Variants in HS6ST2 observed in about 807,000 individuals in gnomAD.
HS6ST2 encodes the protein heparan sulfate 6-O-sulfotransferase 2.
In HS6ST2, 17 loss-of-function variants were observed where a neutral mutation model predicts 33.0. The ratio of observed to expected loss-of-function variants is 0.52; its 90% confidence interval spans 0.35 to 0.77. HS6ST2 has a LOEUF of 0.77. HS6ST2 is among the 30% of genes least tolerant of loss of function. The probability of loss-of-function intolerance (pLI) is 0.01; values close to 1 mark genes in which losing one functional copy is unlikely to be tolerated. For synonymous variants in HS6ST2, 248 were observed against 237.1 expected (o/e 1.05, Z -0.42); for missense variants, 519 against 551.7 (o/e 0.94, Z 0.59).
chrX:132,804,131 A>T (rs2065259276), intron 2 of HS6ST2, among the ~76,000 whole-genome samples: 1 of 112,417 alleles, frequency 8.9e-6, no homozygotes, highest in Non-Finnish European at 1.9e-5. Context: ...GCCTGTTATA[A>T]AAGTGTGACT....
At chrX:132,801,360 A>G (rs776812883) in intron 2 of HS6ST2, among the ~76,000 whole-genome samples, 24 of 111,812 alleles carry the variant, frequency 2.1e-4, no homozygotes, top group African/African-American at 7.8e-4. Flanking sequence ...TTTGCAGCTT[A>G]CTCATTCTCC....
chrX:132,639,612 C>T (rs1364508082), intron 4 of HS6ST2, among the ~76,000 whole-genome samples: 2 of 111,641 alleles, frequency 1.8e-5, no homozygotes, highest in Non-Finnish European at 3.8e-5. Flanking sequence ...CCTCCCTCCA[C>T]ATATGGAACT....
At chrX:132,859,668 G>A (rs755026417) in intron 2 of HS6ST2, among the ~76,000 whole-genome samples, 3 of 24,854 alleles carry the variant, frequency 1.2e-4, no homozygotes, top group Non-Finnish European at 2.3e-4. Flanking sequence ...AAGGGAGGAA[G>A]AGGGAGGGAG....
chrX:132,926,966 T>C (rs1008907375), intron 2 of HS6ST2, among the ~76,000 whole-genome samples: 4 of 110,830 alleles, frequency 3.6e-5, no homozygotes, highest in Non-Finnish European at 7.6e-5. Flanking sequence ...TCCCAGTCTA[T>C]GTCTGCAGTA....
At chrX:132,756,088 T>C (rs1006306565) in intron 2 of HS6ST2, among the ~76,000 whole-genome samples, 1 of 112,100 alleles carries the variant, frequency 8.9e-6, no homozygotes, top group African/African-American at 3.2e-5. Flanking sequence ...CTACTTCTGG[T>C]GTTTGGCAAC....
At chrX:132,916,754 C>T (rs189088863) in intron 2 of HS6ST2, among the ~76,000 whole-genome samples, 1 of 111,975 alleles carries the variant, frequency 8.9e-6, no homozygotes, top group Admixed American at 9.5e-5. Context: ...ACCAAGGGCT[C>T]TCAGGCCTTC....
At chrX:132,816,473 AG>A (rs1160797629) in intron 2 of HS6ST2, among the ~76,000 whole-genome samples, 1 of 112,043 alleles carries the variant, frequency 8.9e-6, no homozygotes. Flanking sequence ...ATTAGTCTTC[AG>A]GTACAAAATT....
At position 132,646,332 on chromosome X, in the gene HS6ST2, A is replaced by T. The variant is rs151194004; in HGVS notation, c.1068-17239T>A. ...GAGTACGGGGTCAAAAGCAATGAAG[A>T]CTTATTGGTCATTTGCATGGGGGAG... On this transcript the variant is annotated intron_variant, in intron 4 of 4. Transcript: ENST00000370833. 1.7e-3 allele frequency among the ~76,000 whole-genome samples: 185 copies of T among 110,532 alleles called. 2 individuals are homozygous for T. The highest frequency in any genetic ancestry group is 5.8e-3 in the African/African-American group (176 of 30,371).
intron 4 of HS6ST2, among the ~76,000 whole-genome samples, chrX:132,637,899 TA>T (rs1225034539): frequency 0.019 from 1,001 of 52,256 alleles, 12 homozygotes; most frequent in Middle Eastern, 0.058. Context: ...ATTTTATATA[TA>T]ATATTATATA....
At chrX:132,877,064 A>G (rs2066114180) in intron 2 of HS6ST2, among the ~76,000 whole-genome samples, 1 of 112,313 alleles carries the variant, frequency 8.9e-6, no homozygotes, top group Admixed American at 9.4e-5. Flanking sequence ...GTTGGAACTA[A>G]CAAGGCTACA....
chrX:132,870,716 C>T (rs992540758), intron 2 of HS6ST2, among the ~76,000 whole-genome samples: 3 of 111,493 alleles, frequency 2.7e-5, no homozygotes, highest in Non-Finnish European at 5.7e-5. Context: ...TAGCCACATG[C>T]AGAAAACTGA....
chrX:132,794,921 C>T (rs759168087), intron 2 of HS6ST2, among the ~76,000 whole-genome samples: 1 of 110,330 alleles, frequency 9.1e-6, no homozygotes, highest in Admixed American at 9.8e-5. Flanking sequence ...TGGGGGCCAC[C>T]TTAGGATTGT....
chrX:132,687,307 G>A (rs1358889085), intron 3 of HS6ST2, among the ~76,000 whole-genome samples: 1 of 111,124 alleles, frequency 9.0e-6, no homozygotes, highest in Admixed American at 9.6e-5. Flanking sequence ...ACTTTCTCCT[G>A]GGAGAAGGCA....
At chrX:132,863,969 G>A (rs1196073427) in intron 2 of HS6ST2, among the ~76,000 whole-genome samples, 1 of 111,465 alleles carries the variant, frequency 9.0e-6, no homozygotes, top group African/African-American at 3.3e-5. Flanking sequence ...GGTCTGGACT[G>A]GACCTCCAGC....
chrX:132,889,599 A>G (rs1394537832), intron 2 of HS6ST2, among the ~76,000 whole-genome samples: 1 of 111,436 alleles, frequency 9.0e-6, no homozygotes, highest in East Asian at 2.8e-4. Context: ...TCCACATACG[A>G]AAGTGTAAGG....
At chrX:132,829,905 C>A (rs1422347284) in intron 2 of HS6ST2, among the ~76,000 whole-genome samples, 1 of 111,087 alleles carries the variant, frequency 9.0e-6, no homozygotes, top group Non-Finnish European at 1.9e-5. Flanking sequence ...ACAGAGAGAA[C>A]AAAAAAGACA....
chrX:132,770,317 C>T (rs1156289949), intron 2 of HS6ST2, among the ~76,000 whole-genome samples: 1 of 111,352 alleles, frequency 9.0e-6, no homozygotes. Flanking sequence ...AATTCCAGCT[C>T]GCACACACTT....
intron 2 of HS6ST2, among the ~76,000 whole-genome samples, chrX:132,750,078 G>A (rs1053330079): frequency 1.8e-5 from 2 of 110,399 alleles, no homozygotes; most frequent in African/African-American, 6.6e-5. Flanking sequence ...ACACCCCCCA[G>A]CTTCCTTCTT....
At chrX:132,686,050 T>C (rs1425897579) in intron 3 of HS6ST2, among the ~76,000 whole-genome samples, 2 of 111,813 alleles carry the variant, frequency 1.8e-5, no homozygotes, top group Non-Finnish European at 3.8e-5. Context: ...ACAGTAGATA[T>C]AGGTGAAAGG....
Sources: gnomAD v4.1 joint callset for allele counts (sites outside exome capture counted in the v4.1 genomes callset) on GRCh38, gnomAD v4.1.1 for gene constraint, MANE v1.5 for transcripts, NCBI Gene and HGNC (gene_info 2026-07-23, HGNC 2026-07-21) for gene names.